The following MMD variants were observed in gnomAD, a reference collection of about 807,000 sequenced individuals.
MMD encodes monocyte to macrophage differentiation factor.
MMD carries 22 observed loss-of-function variants against 33.6 expected under a neutral mutation model. That is an observed-to-expected ratio of 0.66 (90% CI 0.47 to 0.94). The LOEUF (loss-of-function observed/expected upper bound fraction) is 0.94, where lower values mean the gene tolerates loss of function less well. Among genes scored for constraint, MMD ranks in the 40% least tolerant of loss-of-function variants. MMD has a pLI of 0.00. For missense variants in MMD, 242 were observed against 309.8 expected (o/e 0.78, Z 1.64); for synonymous variants, 97 against 103.2 (o/e 0.94, Z 0.36).
intron 1 of MMD, among the ~76,000 whole-genome samples, chr17:55,417,869 C>T (rs1028439260): frequency 3.3e-5 from 5 of 152,142 alleles, no homozygotes; most frequent in Non-Finnish European, 5.9e-5. Context: ...CTGCCTCTGG[C>T]TTCCCAAAGT....
chr17:55,421,651 G>C lies in MMD; in HGVS notation c.26+19C>G, dbSNP rs777391695. On this transcript the variant is annotated intron_variant, in intron 1 of 6. Coordinates refer to ENST00000262065, the MANE Select transcript of MMD (RefSeq NM_012329.3). ...CGCTTCTGACACGGGCAGCGGGACC[G>C]GGACGCCATCCCTCTCACCGCTGGA... 2 of 1,599,548 alleles carry C rather than the reference G, an allele frequency of 1.3e-6. No homozygotes were observed. The highest frequency in any genetic ancestry group is 2.3e-5 in the East Asian group (1 of 43,106).
At chr17:55,403,950 A>G in intron 4 of MMD, 82 bp from the exon 5 acceptor site, 2 of 1,096,188 alleles carry the variant, frequency 1.8e-6, no homozygotes, top group Non-Finnish European at 2.7e-6. Context: ...AAAACTGAGA[A>G]AGTCTTAGGA....
chr17:55,411,407 A>T lies in MMD; in HGVS notation c.119T>A (p.Val40Asp). The change falls in exon 3 of 7, where the codon GTT becomes GAT. Residue 40 changes from valine to aspartate, a missense_variant. Transcript: ENST00000262065. Reference protein sequence around the residue: ...ANCYTHAFLIVPAIVGSALLH... With the variant: ...ANCYTHAFLIDPAIVGSALLH... ...GAGGGCACTGCCCACGATGGCCGGAACAATGAGGAACTGAGGGAAAGATAA... is the reference window on the plus strand; with the variant it reads ...GAGGGCACTGCCCACGATGGCCGGATCAATGAGGAACTGAGGGAAAGATAA... The T allele has an allele frequency of 6.2e-7, 1 of 1,611,540 alleles. No homozygotes were observed.
intron 2 of MMD, among the ~76,000 whole-genome samples, chr17:55,413,565 A>AT (rs1286920862): frequency 6.6e-6 from 1 of 152,110 alleles, no homozygotes; most frequent in African/African-American, 2.4e-5. Flanking sequence ...ATTTTTCAGT[A>AT]TTTTTAAAGT....
intron 4 of MMD, among the ~76,000 whole-genome samples, chr17:55,406,769 C>G (rs1290591194): frequency 6.6e-6 from 1 of 152,100 alleles, no homozygotes; most frequent in African/African-American, 2.4e-5. Context: ...GCCTGTAGTC[C>G]CAGCTACTTG....
At chr17:55,404,017 T>C (rs1907445593) in intron 4 of MMD, 149 bp from the exon 5 acceptor site, 1 of 622,788 alleles carries the variant, frequency 1.6e-6, no homozygotes. Flanking sequence ...GCAATTTAGG[T>C]AAAATTAAGC....
intron 2 of MMD, among the ~76,000 whole-genome samples, chr17:55,413,510 G>A (rs1013401698): frequency 3.3e-5 from 5 of 151,718 alleles, no homozygotes; most frequent in African/African-American, 9.7e-5. Context: ...GAAATGCACC[G>A]AAGTGTTAAC....
chr17:55,396,743 A>G (rs1907115029), intron 6 of MMD, among the ~76,000 whole-genome samples: 1 of 151,762 alleles, frequency 6.6e-6, no homozygotes, highest in Non-Finnish European at 1.5e-5. Context: ...CAGCCTCCCA[A>G]GTAGATGGGA....
chr17:55,419,390 G>A (rs1480107084), intron 1 of MMD, among the ~76,000 whole-genome samples: 2 of 152,226 alleles, frequency 1.3e-5, no homozygotes, highest in East Asian at 3.8e-4. Context: ...CTGTGTTCCA[G>A]TGAAATTTTT....
At chr17:55,394,666 T>G (rs1907034873) in intron 6 of MMD, 132 bp from the exon 7 acceptor site, 1 of 760,030 alleles carries the variant, frequency 1.3e-6, no homozygotes, top group East Asian at 3.4e-5. Flanking sequence ...AATCCTGATC[T>G]GTAAACATGA....
intron 1 of MMD, among the ~76,000 whole-genome samples, chr17:55,417,036 C>A (rs1483266336): frequency 6.6e-6 from 1 of 152,122 alleles, no homozygotes; most frequent in Non-Finnish European, 1.5e-5. Context: ...ATTTCAAAAC[C>A]ATGGAGGGAA....
Position 55,413,466 on chromosome 17 carries a change from T to C in MMD, c.108+685A>G, listed in dbSNP as rs574838002. On this transcript the variant is annotated intron_variant, in intron 2 of 6. Coordinates refer to ENST00000262065, the MANE Select transcript of MMD (RefSeq NM_012329.3). ...CACCCCCAACACAGAGACACACATA[T>C]ACACACACACATACACACAAACACA... is the stretch of plus-strand genomic sequence containing the variant. Among the ~76,000 whole-genome samples, 30 of 152,070 alleles carry C rather than the reference T, an allele frequency of 2.0e-4. No individual in the cohort carries two copies. In the South Asian group the frequency reaches 6.2e-3, roughly 32 times the overall value.
At chr17:55,407,607 G>A (rs1907605925) in intron 4 of MMD, 139 bp downstream of exon 4, 8 of 675,126 alleles carry the variant, frequency 1.2e-5, no homozygotes, top group East Asian at 3.0e-5. Context: ...AAAAATGCAT[G>A]CATGTATGTG....
intron 6 of MMD, among the ~76,000 whole-genome samples, chr17:55,399,505 TACAA>T (rs1224993120): frequency 6.6e-6 from 1 of 152,332 alleles, no homozygotes. Context: ...TATTTTATGT[TACAA>T]ACAATGAGCT....
intron 3 of MMD, among the ~76,000 whole-genome samples, chr17:55,408,074 A>G (rs1907624920): frequency 1.3e-5 from 2 of 152,226 alleles, no homozygotes; most frequent in Non-Finnish European, 2.9e-5. Flanking sequence ...GGGCCCCATG[A>G]TAGTTAGAAA....
chr17:55,406,146 G>A (rs997803546), intron 4 of MMD, among the ~76,000 whole-genome samples: 1 of 152,196 alleles, frequency 6.6e-6, no homozygotes, highest in Non-Finnish European at 1.5e-5. Flanking sequence ...TGTAATCCCA[G>A]CACTTTGGGA....
At chr17:55,421,115 C>T (rs2143170406) in intron 1 of MMD, among the ~76,000 whole-genome samples, 1 of 152,376 alleles carries the variant, frequency 6.6e-6, no homozygotes, top group Admixed American at 6.5e-5. Context: ...CAGGGCTAAG[C>T]TGGCGGAGCG....
rs144426263 is a variant in MMD, at chr17:55,404,319, C to A, written c.345-451G>T. The A allele has an allele frequency of 7.4e-3, 2,794 of 379,982 alleles. 65 individuals are homozygous for A. The highest frequency in any genetic ancestry group is 0.056 in the African/African-American group (2,537 of 45,520). The allele number at this position is 379,982 out of a possible 1,614,324, so 23.5% of individuals were successfully genotyped here. On this transcript the variant is annotated intron_variant, in intron 4 of 6. Transcript: ENST00000262065. ...GCAGTGAGCTGAGATTGCACCACTG[C>A]ACTCCAGTCTGGGCGACAGAGCAAG...
At chr17:55,398,521 T>C (rs1403578259) in intron 6 of MMD, among the ~76,000 whole-genome samples, 2 of 151,424 alleles carry the variant, frequency 1.3e-5, no homozygotes, top group Non-Finnish European at 2.9e-5. Context: ...GCCCATCTGG[T>C]AATATTTATT....
Sources: allele counts gnomAD v4.1 joint callset (sites outside exome capture counted in the v4.1 genomes callset), GRCh38; gene constraint gnomAD v4.1.1; transcripts MANE v1.5; gene names NCBI Gene and HGNC (gene_info 2026-07-23, HGNC 2026-07-21).